MYT1L: variants seen among roughly 807,000 people sequenced by gnomAD.
MYT1L encodes the protein myelin transcription factor 1-like protein.
In MYT1L, 12 loss-of-function variants were observed where a neutral mutation model predicts 126.7. The ratio of observed to expected loss-of-function variants is 0.09; its 90% CI spans 0.06 to 0.15. MYT1L has a LOEUF of 0.15. MYT1L is among the 10% of genes least tolerant of loss of function. The pLI, the probability that MYT1L is intolerant of heterozygous loss-of-function variation, is 1.00. For missense variants in MYT1L, 979 were observed against 1,585.2 expected (o/e 0.62, Z 6.49); for synonymous variants, 541 against 604.2 (o/e 0.90, Z 1.53).
At chr2:2,296,278 G>T (rs944140667) in intron 1 of MYT1L, among the ~76,000 whole-genome samples, 7 of 151,822 alleles carry the variant, frequency 4.6e-5, no homozygotes, top group African/African-American at 1.7e-4. Flanking sequence ...ACAAGTGGAA[G>T]AAGAAATTGA....
At chr2:2,296,308 C>T (rs1041567178) in intron 1 of MYT1L, among the ~76,000 whole-genome samples, 1 of 152,078 alleles carries the variant, frequency 6.6e-6, no homozygotes, top group African/African-American at 2.4e-5. Context: ...GGCCAATTCT[C>T]TATTAAACAA....
At chr2:2,183,983 G>GAC (rs566396527) in intron 2 of MYT1L, among the ~76,000 whole-genome samples, 3 of 147,844 alleles carry the variant, frequency 2.0e-5, no homozygotes, top group Non-Finnish European at 4.5e-5. Flanking sequence ...GAAAGAAAGA[G>GAC]AGAGAGAAAG....
chr2:2,137,496 A>G (rs2083239043), intron 3 of MYT1L, among the ~76,000 whole-genome samples: 1 of 152,212 alleles, frequency 6.6e-6, no homozygotes, highest in Non-Finnish European at 1.5e-5. Flanking sequence ...ACAGAGATAT[A>G]GATCAATGGA....
intron 2 of MYT1L, among the ~76,000 whole-genome samples, chr2:2,239,702 C>T (rs1373075403): frequency 6.6e-6 from 1 of 152,154 alleles, no homozygotes; most frequent in Non-Finnish European, 1.5e-5. Flanking sequence ...CTCTTTCTCC[C>T]CAGTGGGCTG....
At chr2:1,819,068 C>T (rs553843482) in intron 21 of MYT1L, among the ~76,000 whole-genome samples, 3 of 152,246 alleles carry the variant, frequency 2.0e-5, no homozygotes, top group African/African-American at 7.2e-5. Context: ...AACAAAGGTC[C>T]CTCTCAAAGC....
intron 2 of MYT1L, among the ~76,000 whole-genome samples, chr2:2,189,555 C>G (rs1031804406): frequency 2.6e-5 from 4 of 152,134 alleles, no homozygotes; most frequent in Admixed American, 2.0e-4. Flanking sequence ...TATATAATCA[C>G]TTATATTAAC....
chr2:2,176,038 T>C (rs114045892), intron 2 of MYT1L, among the ~76,000 whole-genome samples: 2,087 of 152,292 alleles, frequency 0.014, 52 homozygotes, highest in African/African-American at 0.047. Flanking sequence ...GGATTTCAGT[T>C]AGCTCACTGC....
chr2:2,144,030 G>A (rs1475610480), intron 3 of MYT1L, among the ~76,000 whole-genome samples: 4 of 151,996 alleles, frequency 2.6e-5, no homozygotes, highest in African/African-American at 4.8e-5. Flanking sequence ...TGGATCAACC[G>A]TACCCCAAAC....
chr2:1,962,130 T>C (rs1405655950), intron 8 of MYT1L, among the ~76,000 whole-genome samples: 1 of 152,236 alleles, frequency 6.6e-6, no homozygotes, highest in Non-Finnish European at 1.5e-5. Flanking sequence ...TTCCTGTTAA[T>C]TTTTAAGATA....
chr2:2,194,777 T>C (rs2092727894), intron 2 of MYT1L, among the ~76,000 whole-genome samples: 1 of 152,148 alleles, frequency 6.6e-6, no homozygotes, highest in African/African-American at 2.4e-5. Flanking sequence ...AGAACAACTC[T>C]AAAGACCAAC....
chr2:1,955,076 C>T (rs939829754), intron 8 of MYT1L, among the ~76,000 whole-genome samples: 4 of 150,900 alleles, frequency 2.7e-5, no homozygotes, highest in South Asian at 2.1e-4. Flanking sequence ...CTCTTGAACC[C>T]AGGAGGCAGA....
At chr2:2,313,457 A>T (rs2096009166) in intron 1 of MYT1L, among the ~76,000 whole-genome samples, 3 of 152,162 alleles carry the variant, frequency 2.0e-5, no homozygotes, top group South Asian at 4.1e-4. Flanking sequence ...CTGAAAGCAG[A>T]TAACAAATCT....
At chr2:2,097,093 C>T (rs1244688363) in intron 3 of MYT1L, among the ~76,000 whole-genome samples, 1 of 152,186 alleles carries the variant, frequency 6.6e-6, no homozygotes, top group East Asian at 1.9e-4. Context: ...CCCAGCCTCC[C>T]TCCCCAGCCT....
chr2:1,922,232 C>T lies in MYT1L; in HGVS notation c.1483+54G>A. On this transcript the variant is annotated intron_variant, in intron 10 of 24. Transcript: ENST00000647738. This position sits in a 1 kb window ranked among gnomAD's most constrained non-coding sequence, Gnocchi z 7.4. ...TTAACTGTAGACTACCACCAACATC[C>T]TTTACCCTAGCTCATGTTTTCATGA... 2 of 1,582,232 alleles carry T rather than the reference C, an allele frequency of 1.3e-6. No homozygotes were observed. Among genetic ancestry groups the T allele is most frequent in the Non-Finnish European group, 1.7e-6 (2 of 1,162,720 alleles).
chr2:1,896,412 T>C (rs567935861), intron 14 of MYT1L, among the ~76,000 whole-genome samples: 1 of 152,258 alleles, frequency 6.6e-6, no homozygotes, highest in East Asian at 1.9e-4. Context: ...CTCTTCACAA[T>C]AGCAGAGGCA....
chr2:2,157,852 A>C (rs1267982989), intron 3 of MYT1L, among the ~76,000 whole-genome samples: 1 of 152,122 alleles, frequency 6.6e-6, no homozygotes, highest in Non-Finnish European at 1.5e-5. Context: ...AGCAGTCAGC[A>C]TCTCTCAAAG....
intron 2 of MYT1L, among the ~76,000 whole-genome samples, chr2:2,220,952 A>G (rs1305351285): frequency 1.3e-5 from 2 of 152,190 alleles, no homozygotes; most frequent in African/African-American, 4.8e-5. Context: ...GAGAGAGAGA[A>G]AGAAAAAGAA....
intron 8 of MYT1L, among the ~76,000 whole-genome samples, chr2:1,953,608 A>G (rs143991603): frequency 1.1e-4 from 16 of 152,216 alleles, no homozygotes; most frequent in Non-Finnish European, 2.2e-4. Context: ...TATTGTCTCA[A>G]TTTAGCTGTT....
At chr2:2,007,611 A>G (rs1417851082) in intron 4 of MYT1L, among the ~76,000 whole-genome samples, 1 of 152,170 alleles carries the variant, frequency 6.6e-6, no homozygotes, top group African/African-American at 2.4e-5. Flanking sequence ...AACTTCTTGC[A>G]TGACTCAGAT....
Sources: gnomAD v4.1 joint callset for allele counts (sites outside exome capture counted in the v4.1 genomes callset) on GRCh38, gnomAD v4.1.1 for gene constraint, Gnocchi (gnomAD v3.1) non-coding constraint, MANE v1.5 for transcripts, NCBI Gene and HGNC (gene_info 2026-07-23, HGNC 2026-07-21) for gene names.